The following BTRC variants were observed in gnomAD, a reference collection of about 807,000 sequenced individuals.
BTRC encodes F-box/WD repeat-containing protein 1A.
BTRC carries 42 observed loss-of-function variants against 85.5 expected under a neutral mutation model. The observed-to-expected ratio is 0.49, with a 90% CI of 0.38 to 0.64. The LOEUF (loss-of-function observed/expected upper bound fraction) is 0.64, where lower values mean the gene tolerates loss of function less well. Among genes scored for constraint, BTRC ranks in the 30% least tolerant of loss-of-function variants. BTRC has a pLI of 0.00. For synonymous variants in BTRC, 255 were observed against 263.3 expected (o/e 0.97, Z 0.30); for missense variants, 594 against 743.5 (o/e 0.80, Z 2.34).
chr10:101,519,228 G>A (rs561384417), intron 4 of BTRC, among the ~76,000 whole-genome samples: 30 of 151,938 alleles, frequency 2.0e-4, no homozygotes, highest in South Asian at 6.2e-4. Flanking sequence ...ACAGGCACCC[G>A]CCACCACACC....
intron 4 of BTRC, among the ~76,000 whole-genome samples, chr10:101,511,405 T>C (rs2061951440): frequency 6.6e-6 from 1 of 152,160 alleles, no homozygotes; most frequent in Non-Finnish European, 1.5e-5. Flanking sequence ...CACTCTTTAC[T>C]TCTTTTCTTT....
chr10:101,429,359 A>C (rs564141108), intron 1 of BTRC, among the ~76,000 whole-genome samples: 2 of 152,244 alleles, frequency 1.3e-5, no homozygotes, highest in East Asian at 3.9e-4. Context: ...AGCTACTAGA[A>C]ATGTGTAATT....
At chr10:101,518,196 G>C (rs1215363683) in intron 4 of BTRC, among the ~76,000 whole-genome samples, 3 of 152,166 alleles carry the variant, frequency 2.0e-5, no homozygotes, top group Non-Finnish European at 4.4e-5. Flanking sequence ...ACAGGCGTGA[G>C]CCACCGCGCC....
At chr10:101,397,425 T>C (rs1280249482) in intron 1 of BTRC, among the ~76,000 whole-genome samples, 1 of 152,160 alleles carries the variant, frequency 6.6e-6, no homozygotes, top group East Asian at 1.9e-4. Context: ...GGAGAATTGG[T>C]TTTTGACAAA....
intron 2 of BTRC, among the ~76,000 whole-genome samples, chr10:101,451,376 C>T (rs1944951545): frequency 6.6e-6 from 1 of 152,100 alleles, no homozygotes; most frequent in Admixed American, 6.6e-5. Context: ...CCAGGCCACC[C>T]AGTTACTTTC....
chr10:101,520,293 T>C (rs1198655566), intron 4 of BTRC, among the ~76,000 whole-genome samples: 1 of 151,864 alleles, frequency 6.6e-6, no homozygotes, highest in African/African-American at 2.4e-5. Flanking sequence ...ACAGGTGTGT[T>C]CTCCTCACCT....
At chr10:101,448,917 A>C (rs570273576) in intron 2 of BTRC, among the ~76,000 whole-genome samples, 1 of 152,032 alleles carries the variant, frequency 6.6e-6, no homozygotes, top group Non-Finnish European at 1.5e-5. Flanking sequence ...TATAGAAATA[A>C]GTGAGAGGAA....
At chr10:101,503,745 G>C (rs1301940982) in intron 4 of BTRC, among the ~76,000 whole-genome samples, 1 of 152,206 alleles carries the variant, frequency 6.6e-6, no homozygotes, top group Admixed American at 6.5e-5. Flanking sequence ...CTTCTAGAAA[G>C]TTGAGTTGGC....
intron 4 of BTRC, among the ~76,000 whole-genome samples, chr10:101,480,156 A>G (rs1945797232): frequency 6.6e-6 from 1 of 152,252 alleles, no homozygotes; most frequent in East Asian, 1.9e-4. Context: ...TACTTGAATT[A>G]TCTGCAAAAA....
At chr10:101,484,331 C>T (rs944964084) in intron 4 of BTRC, among the ~76,000 whole-genome samples, 1 of 152,194 alleles carries the variant, frequency 6.6e-6, no homozygotes, top group African/African-American at 2.4e-5. Context: ...CAAAATGGTC[C>T]TGGTATGAGA....
chr10:101,544,131 G>A (rs138589941), intron 13 of BTRC, among the ~76,000 whole-genome samples: 3 of 152,158 alleles, frequency 2.0e-5, no homozygotes, highest in Admixed American at 6.5e-5. Context: ...AGATGGTCTC[G>A]ATCTCCTGAC....
chr10:101,412,943 A>G (rs2134027906), intron 1 of BTRC, among the ~76,000 whole-genome samples: 1 of 152,374 alleles, frequency 6.6e-6, no homozygotes, highest in South Asian at 2.1e-4. Context: ...AAACAAAGTA[A>G]CAAAAAATGA....
intron 2 of BTRC, among the ~76,000 whole-genome samples, chr10:101,452,149 A>C (rs1190570852): frequency 6.6e-6 from 1 of 152,226 alleles, no homozygotes; most frequent in Non-Finnish European, 1.5e-5. Flanking sequence ...TTATATTAGC[A>C]TGCAAAATCT....
At chr10:101,424,365 G>A (rs1033447623) in intron 1 of BTRC, among the ~76,000 whole-genome samples, 1 of 152,128 alleles carries the variant, frequency 6.6e-6, no homozygotes, top group Non-Finnish European at 1.5e-5. Flanking sequence ...TTCTTAAGAG[G>A]CAATCATTGG....
chr10:101,497,614 G>C (rs1190822433), intron 4 of BTRC, among the ~76,000 whole-genome samples: 1 of 152,206 alleles, frequency 6.6e-6, no homozygotes, highest in African/African-American at 2.4e-5. Context: ...GCTGAGGTGA[G>C]AAGATCACTT....
chr10:101,537,219 AAC>A (rs1169130959), intron 12 of BTRC, among the ~76,000 whole-genome samples: 7 of 152,150 alleles, frequency 4.6e-5, no homozygotes, highest in Non-Finnish European at 8.8e-5. Context: ...ACCAATCCTA[AAC>A]ACAGAGTAAA....
intron 3 of BTRC, among the ~76,000 whole-genome samples, chr10:101,464,509 CT>C (rs1263213609): frequency 6.6e-6 from 1 of 151,804 alleles, no homozygotes; most frequent in Non-Finnish European, 1.5e-5. Flanking sequence ...CCCACTCCCC[CT>C]GCCCACTTTA....
chr10:101,509,243 ATTTTTTTTTTTTTT>A (rs71016330), intron 4 of BTRC, among the ~76,000 whole-genome samples: 3 of 69,912 alleles, frequency 4.3e-5, no homozygotes, highest in African/African-American at 1.4e-4. Flanking sequence ...GGCAATGTGG[ATTTTTTTTTTTTTT>A]TTTTTTTTTT....
intron 1 of BTRC, among the ~76,000 whole-genome samples, chr10:101,390,044 A>G (rs978591954): frequency 5.3e-5 from 8 of 152,240 alleles, no homozygotes; most frequent in Non-Finnish European, 8.8e-5. Context: ...AGCCTACCCT[A>G]TCTAAAGTAA....
Sources: allele counts gnomAD v4.1 joint callset (sites outside exome capture counted in the v4.1 genomes callset), GRCh38; gene constraint gnomAD v4.1.1; transcripts MANE v1.5; gene names NCBI Gene and HGNC (gene_info 2026-07-23, HGNC 2026-07-21).